ITPR1: variants seen among roughly 807,000 people sequenced by gnomAD.
The protein encoded by ITPR1 is inositol 1,4,5-trisphosphate receptor type 1.
In ITPR1, 96 loss-of-function variants were observed where a neutral mutation model predicts 318.4. The observed-to-expected ratio is 0.30, with a 90% confidence interval of 0.26 to 0.36. The LOEUF is 0.36. ITPR1 is among the 10% of genes least tolerant of loss of function. The pLI, the probability that ITPR1 is intolerant of heterozygous loss-of-function variation, is 1.00. For synonymous variants in ITPR1, 1,312 were observed against 1,289.9 expected, an observed-to-expected ratio of 1.02 and a Z score of -0.37; for missense variants, 2,440 against 3,460.2, an observed-to-expected ratio of 0.71 and a Z score of 7.40.
chr3:4,699,401 GTA>G (rs199706526), intron 34 of ITPR1, among the ~76,000 whole-genome samples: 58,500 of 151,416 alleles, frequency 0.39, 14,014 homozygotes, highest in Non-Finnish European at 0.56. Flanking sequence ...CAGGACCTCA[GTA>G]ACATTTGACT....
At chr3:4,630,839 G>A (rs1466171476) in intron 5 of ITPR1, among the ~76,000 whole-genome samples, 2 of 151,886 alleles carry the variant, frequency 1.3e-5, no homozygotes, top group Non-Finnish European at 2.9e-5. Context: ...CCACTGCCTC[G>A]GCCTCCCAAA....
At chr3:4,799,017 A>T (rs2048060870) in intron 53 of ITPR1, among the ~76,000 whole-genome samples, 1 of 152,234 alleles carries the variant, frequency 6.6e-6, no homozygotes, top group Admixed American at 6.5e-5. Context: ...GGTGACAATT[A>T]CATGCGGTGG....
At chr3:4,654,880 C>G (rs1189025429) in intron 12 of ITPR1, among the ~76,000 whole-genome samples, 7 of 152,134 alleles carry the variant, frequency 4.6e-5, no homozygotes, top group Non-Finnish European at 8.8e-5. Flanking sequence ...TGAGGCCTTC[C>G]TGCTGTGGGT....
chr3:4,556,575 T>C (rs2086153983), intron 4 of ITPR1, among the ~76,000 whole-genome samples: 1 of 152,090 alleles, frequency 6.6e-6, no homozygotes, highest in East Asian at 1.9e-4. Context: ...CAGGTAGCCT[T>C]TCCTGATTGG....
intron 40 of ITPR1, chr3:4,724,479 G>C: frequency 6.6e-6 from 1 of 152,288 alleles, no homozygotes; most frequent in South Asian, 2.1e-4. Context: ...TGGCCCTGAG[G>C]TGAGTGTGCT....
chr3:4,564,816 C>T (rs953574242), intron 4 of ITPR1, among the ~76,000 whole-genome samples: 23 of 152,160 alleles, frequency 1.5e-4, no homozygotes, highest in African/African-American at 4.8e-4. Context: ...ACTTTCTGAG[C>T]GACTGAGGGT....
intron 40 of ITPR1, among the ~76,000 whole-genome samples, chr3:4,719,628 G>A (rs1024502408): frequency 1.2e-4 from 19 of 152,158 alleles, no homozygotes; most frequent in African/African-American, 4.3e-4. Context: ...AGGAAGGGAC[G>A]CCATGCTTTG....
chr3:4,691,181 A>G lies in ITPR1; in HGVS notation c.3866A>G (p.Asn1289Ser). The G allele has an allele frequency of 1.2e-6, 2 of 1,612,970 alleles. No homozygotes were observed. Among genetic ancestry groups the G allele is most frequent in the African/African-American group, 1.3e-5 (1 of 75,046 alleles). The change falls in exon 32 of 62, where the codon AAC becomes AGC. Residue 1289 changes from asparagine (N) to serine (S), a missense_variant. Physicochemically the swap from Asn to Ser is conservative, Grantham distance 46. Coordinates refer to ENST00000649015, the MANE Select transcript of ITPR1 (RefSeq NM_001378452.1). ...GTAACCATGCAGCACATCTTCATGAACAATTTCCAGCTTTGCAGTGAGATC... is the reference window on the plus strand; with the variant it reads ...GTAACCATGCAGCACATCTTCATGAGCAATTTCCAGCTTTGCAGTGAGATC... ...EAVTMQHIFMNNFQLCSEINE... is the reference protein window; with the variant it reads ...EAVTMQHIFMSNFQLCSEINE...
Position 4,775,397 on chromosome 3 carries a change from G to A in ITPR1, c.6135G>A (p.Leu2045=), listed in dbSNP as rs754434409. 1.9e-6 allele frequency: 3 copies of A among 1,613,832 alleles called. No homozygotes were observed. Among genetic ancestry groups the A allele is most frequent in the Non-Finnish European group, 2.5e-6 (3 of 1,179,760 alleles). ...EKNVALINQT[L]ESLTEYCQGP... is the part of the protein sequence containing the mutation. ...ATGTAGCGCTTATCAACCAAACCCT[G>A]GAAAGTCTGACCGAATACTGTCAAG... Residue 2045 remains leucine, a synonymous_variant, in exon 47 of 62, where the codon CTG becomes CTA. Coordinates refer to ENST00000649015, the MANE Select transcript of ITPR1 (RefSeq NM_001378452.1).
intron 32 of ITPR1, among the ~76,000 whole-genome samples, chr3:4,691,750 G>A (rs2094482164): frequency 6.6e-6 from 1 of 152,228 alleles, no homozygotes; most frequent in South Asian, 2.1e-4. Flanking sequence ...TTTTTGAGGA[G>A]CAGTTGGTCT....
At chr3:4,545,028 T>A (rs979489948) in intron 4 of ITPR1, among the ~76,000 whole-genome samples, 1 of 152,086 alleles carries the variant, frequency 6.6e-6, no homozygotes, top group Admixed American at 6.5e-5. Context: ...ACTCCTGGGC[T>A]CTAGCAATCC....
At chr3:4,564,142 T>C (rs1044394817) in intron 4 of ITPR1, among the ~76,000 whole-genome samples, 1 of 152,138 alleles carries the variant, frequency 6.6e-6, no homozygotes, top group African/African-American at 2.4e-5. Context: ...GGTTTCACCA[T>C]GTAGGTCAGG....
At position 4,733,211 on chromosome 3, in the gene ITPR1, G is replaced by C. The variant is rs886058619; in HGVS notation, c.5344G>C (p.Gly1782Arg). The C allele has an allele frequency of 4.3e-6, 7 of 1,613,908 alleles. No individual in the cohort carries two copies. Among genetic ancestry groups the C allele is most frequent in the South Asian group, 1.1e-5 (1 of 91,078 alleles). Reference protein sequence around the residue: ...PLSAGGPGKPGGGGGGSGSSS... With the variant: ...PLSAGGPGKPRGGGGGSGSSS... ...GTCAGCAGGAGGACCCGGCAAGCCC[G>C]GGGGAGGAGGTACGCTTTGTGGTGT... The change falls in exon 43 of 62, where the codon GGG becomes CGG. Residue 1782 changes from glycine to arginine, a missense_variant. Coordinates refer to ENST00000649015, the MANE Select transcript of ITPR1 (RefSeq NM_001378452.1).
intron 4 of ITPR1, among the ~76,000 whole-genome samples, chr3:4,588,341 C>CT (rs544442679): frequency 2.1e-4 from 30 of 145,356 alleles, no homozygotes; most frequent in Admixed American, 2.7e-4. Flanking sequence ...ATACCTGTTT[C>CT]TTTTTTTTTT....
chr3:4,746,971 G>A (rs566544656), intron 44 of ITPR1, among the ~76,000 whole-genome samples: 30 of 152,298 alleles, frequency 2.0e-4, no homozygotes, highest in East Asian at 1.7e-3. Context: ...TGTGGCCACC[G>A]TGTTACTTTA....
chr3:4,785,817 T>C (rs1226093708), intron 51 of ITPR1, among the ~76,000 whole-genome samples: 1 of 152,202 alleles, frequency 6.6e-6, no homozygotes, highest in African/African-American at 2.4e-5. Context: ...TTCTCCTGAC[T>C]CCAGATTCTA....
intron 36 of ITPR1, among the ~76,000 whole-genome samples, chr3:4,704,072 A>C (rs2094708140): frequency 6.6e-6 from 1 of 152,136 alleles, no homozygotes; most frequent in Admixed American, 6.5e-5. Flanking sequence ...CGTGGATGTA[A>C]AGATGGGGGA....
At chr3:4,585,275 A>T (rs1054921838) in intron 4 of ITPR1, among the ~76,000 whole-genome samples, 2 of 152,206 alleles carry the variant, frequency 1.3e-5, no homozygotes, top group Non-Finnish European at 2.9e-5. Context: ...TCTATATAGA[A>T]TATACAGAAT....
At chr3:4,554,521 C>T (rs148184607) in intron 4 of ITPR1, among the ~76,000 whole-genome samples, 26 of 152,148 alleles carry the variant, frequency 1.7e-4, no homozygotes, top group South Asian at 1.0e-3. Context: ...TGGGGACCTA[C>T]GGTGGTGAGC....
Sources: allele counts gnomAD v4.1 joint callset (sites outside exome capture counted in the v4.1 genomes callset), GRCh38; gene constraint gnomAD v4.1.1; transcripts MANE v1.5; gene names NCBI Gene and HGNC (gene_info 2026-07-23, HGNC 2026-07-21).